Variants in TXNDC16 observed in about 807,000 individuals in gnomAD.
The protein encoded by TXNDC16 is thioredoxin domain containing 16.
TXNDC16 carries 74 observed loss-of-function variants against 85.6 expected under a neutral mutation model. That is an observed-to-expected ratio of 0.86 (90% confidence interval 0.72 to 1.05). TXNDC16 has a LOEUF of 1.05. TXNDC16 is among the 50% of genes least tolerant of loss of function. The pLI is 0.00. For missense variants in TXNDC16, 959 were observed against 947.0 expected (o/e 1.01, Z -0.17); for synonymous variants, 335 against 326.5 (o/e 1.03, Z -0.28).
At position 52,431,475 on chromosome 14, in the gene TXNDC16, T is replaced by A. The variant is rs2034893755; in HGVS notation, c.*829A>T. 3 of 152,208 alleles carry A rather than the reference T, an allele frequency of 2.0e-5. No individual in the cohort carries two copies. Among genetic ancestry groups the A allele is most frequent in the Admixed American group, 2.0e-4 (3 of 15,288 alleles). 9.4% of individuals were successfully genotyped at this position (152,208 alleles called of 1,614,324 possible). A position where few individuals can be genotyped will look rare whatever the true frequency, so the allele number is the denominator to read the frequency against. On this transcript the variant is annotated 3_prime_UTR_variant, in exon 21 of 21. Transcript: ENST00000281741. ...AGGTAATAATCAGGATAAGACCATCTAATACATATCTTTAATAGCCAAAAT... is the reference window on the plus strand; with the variant it reads ...AGGTAATAATCAGGATAAGACCATCAAATACATATCTTTAATAGCCAAAAT...
At chr14:52,447,435 G>A (rs746266712) in intron 18 of TXNDC16, among the ~76,000 whole-genome samples, 41 of 152,188 alleles carry the variant, frequency 2.7e-4, no homozygotes, top group Non-Finnish European at 5.6e-4. Context: ...AGTAGCCAGG[G>A]AGTGGTTACA....
chr14:52,446,692 A>C (rs574428533), intron 18 of TXNDC16, among the ~76,000 whole-genome samples: 2 of 152,270 alleles, frequency 1.3e-5, no homozygotes, highest in African/African-American at 4.8e-5. Context: ...AGAAGAAAGG[A>C]AAGACTGGGA....
intron 7 of TXNDC16, among the ~76,000 whole-genome samples, chr14:52,515,818 T>C (rs2037070942): frequency 6.6e-6 from 1 of 151,916 alleles, no homozygotes; most frequent in Non-Finnish European, 1.5e-5. Context: ...TCCACAAATG[T>C]AAACATATCC....
intron 6 of TXNDC16, among the ~76,000 whole-genome samples, chr14:52,532,232 G>A (rs758297311): frequency 4.6e-5 from 7 of 152,020 alleles, no homozygotes; most frequent in Non-Finnish European, 8.8e-5. Context: ...TGAGTGTGGT[G>A]GTGTGCACCT....
chr14:52,540,344 G>A (rs2037800148), intron 4 of TXNDC16, among the ~76,000 whole-genome samples: 1 of 152,166 alleles, frequency 6.6e-6, no homozygotes, highest in Non-Finnish European at 1.5e-5. Context: ...ACTTCAATGG[G>A]CTAGGCGCGG....
At chr14:52,546,787 G>A (rs972071787) in intron 1 of TXNDC16, among the ~76,000 whole-genome samples, 1 of 152,226 alleles carries the variant, frequency 6.6e-6, no homozygotes, top group Non-Finnish European at 1.5e-5. Context: ...GAAGTGAGAT[G>A]CCACCTTAAC....
intron 14 of TXNDC16, among the ~76,000 whole-genome samples, chr14:52,480,057 A>C (rs1193075199): frequency 2.0e-5 from 3 of 152,094 alleles, no homozygotes; most frequent in Admixed American, 6.6e-5. Context: ...CAAAAATATA[A>C]AGTGGGGAAA....
At chr14:52,462,819 A>G (rs893147021) in intron 16 of TXNDC16, 1 of 401,202 alleles carries the variant, frequency 2.5e-6, no homozygotes, top group African/African-American at 2.1e-5. Context: ...TACCTTTAGT[A>G]ACATTTTGCC....
chr14:52,439,316 C>T lies in TXNDC16; in HGVS notation c.2082G>A (p.Val694=), dbSNP rs369684872. ...ATACTTGGCCACCTGAATGCAGATT[C>T]ACCAAAACAAGAAGAGGAAGGGGAG... ...PLPPLPLLVL[V]NLHSGGQVFA... is the part of the protein sequence containing the mutation. Residue 694 remains valine (V), a synonymous_variant, in exon 20 of 21, where the codon GTG becomes GTA. Transcript: ENST00000281741. 2 of 1,614,002 alleles carry T rather than the reference C, an allele frequency of 1.2e-6. No homozygotes were observed. The highest frequency in any genetic ancestry group is 1.7e-6 in the Non-Finnish European group (2 of 1,179,956).
At chr14:52,502,703 A>G (rs1297486968) in intron 9 of TXNDC16, among the ~76,000 whole-genome samples, 2 of 152,302 alleles carry the variant, frequency 1.3e-5, no homozygotes, top group East Asian at 3.9e-4. Context: ...GGTTCATCTC[A>G]CTGGGGATTG....
In TXNDC16 at chr14:52,522,345, G is replaced by A. The variant is rs931532574; in HGVS notation, c.393-3052C>T. 5.9e-5 allele frequency among the ~76,000 whole-genome samples: 9 copies of A among 152,034 alleles called. No homozygotes were observed. In the East Asian group the frequency reaches 1.7e-3, roughly 29 times the overall value. Reference sequence around the variant, plus strand: ...AAATAGTGGCAATTTATCAATTTGGGGGCTGCCCACTCCCTTTTGCTTTGT... The same window carrying A: ...AAATAGTGGCAATTTATCAATTTGGAGGCTGCCCACTCCCTTTTGCTTTGT... On this transcript the variant is annotated intron_variant, in intron 6 of 20. Coordinates refer to ENST00000281741, the MANE Select transcript of TXNDC16 (RefSeq NM_020784.3).
At chr14:52,485,490 T>C (rs893018476) in intron 12 of TXNDC16, among the ~76,000 whole-genome samples, 2 of 152,164 alleles carry the variant, frequency 1.3e-5, no homozygotes, top group African/African-American at 4.8e-5. Flanking sequence ...AAATCTACAA[T>C]AATGTAATGT....
intron 3 of TXNDC16, 67 bp downstream of exon 3, chr14:52,543,331 T>G: frequency 6.7e-7 from 1 of 1,496,576 alleles, no homozygotes; most frequent in South Asian, 1.3e-5. Context: ...AATTTCCCAC[T>G]GAACTTACTG....
chr14:52,502,065 C>T (rs1007951982), intron 9 of TXNDC16, among the ~76,000 whole-genome samples: 16 of 152,284 alleles, frequency 1.1e-4, no homozygotes, highest in Admixed American at 1.0e-3. Flanking sequence ...CCTCACTCTG[C>T]CAAGTATTCC....
At chr14:52,506,039 T>C (rs1416733552) in intron 9 of TXNDC16, among the ~76,000 whole-genome samples, 2 of 152,220 alleles carry the variant, frequency 1.3e-5, no homozygotes, top group Non-Finnish European at 2.9e-5. Flanking sequence ...GTTGAATCTC[T>C]GAATAGACCA....
chr14:52,528,256 T>C (rs777020333), intron 6 of TXNDC16, among the ~76,000 whole-genome samples: 65 of 152,118 alleles, frequency 4.3e-4, no homozygotes, highest in Non-Finnish European at 7.6e-4. Flanking sequence ...ACACAAATGC[T>C]TCGGGATAAA....
chr14:52,515,569 C>T (rs569843816), intron 7 of TXNDC16, among the ~76,000 whole-genome samples: 2 of 151,884 alleles, frequency 1.3e-5, no homozygotes, highest in Non-Finnish European at 2.9e-5. Context: ...AATAGCCACT[C>T]CCCCACCCTC....
intron 14 of TXNDC16, among the ~76,000 whole-genome samples, chr14:52,477,809 T>C (rs1412573358): frequency 6.6e-6 from 1 of 152,142 alleles, no homozygotes; most frequent in African/African-American, 2.4e-5. Flanking sequence ...CTTTAAACTA[T>C]ACCCTGGTAC....
chr14:52,546,833 T>C (rs149322497), intron 1 of TXNDC16, among the ~76,000 whole-genome samples: 1 of 152,328 alleles, frequency 6.6e-6, no homozygotes, highest in Non-Finnish European at 1.5e-5. Flanking sequence ...CCAAGCAGCA[T>C]AGAAACTGTT....
Sources: gnomAD v4.1 joint callset for allele counts (sites outside exome capture counted in the v4.1 genomes callset) on GRCh38, gnomAD v4.1.1 for gene constraint, MANE v1.5 for transcripts, NCBI Gene and HGNC (gene_info 2026-07-23, HGNC 2026-07-21) for gene names.